Variants in IMMP2L observed in about 807,000 individuals in gnomAD.
The protein encoded by IMMP2L is mitochondrial inner membrane protease subunit 2.
Under a neutral mutation model 19.3 loss-of-function variants are expected in IMMP2L, and 18 were observed. That is an observed-to-expected ratio of 0.93 (90% CI 0.64 to 1.38). The LOEUF is 1.38. Among genes scored for constraint, IMMP2L ranks in the 40% most tolerant of loss-of-function variants. The probability of loss-of-function intolerance (pLI) is 0.00; values close to 1 mark genes in which losing one functional copy is unlikely to be tolerated. For missense variants in IMMP2L, 233 were observed against 218.2 expected (o/e 1.07, Z -0.43); for synonymous variants, 76 against 73.0 (o/e 1.04, Z -0.21).
intron 1 of IMMP2L, among the ~76,000 whole-genome samples, chr7:111,549,474 G>A (rs1849242565): frequency 1.3e-5 from 2 of 151,940 alleles, no homozygotes; most frequent in Non-Finnish European, 2.9e-5. Context: ...TTTAACATCT[G>A]GATATTTATA....
At chr7:111,007,376 T>C (rs1824403249) in intron 3 of IMMP2L, among the ~76,000 whole-genome samples, 1 of 152,100 alleles carries the variant, frequency 6.6e-6, no homozygotes, top group Admixed American at 6.6e-5. Flanking sequence ...GCTCCTACCA[T>C]TCCATCAGAA....
At chr7:111,433,218 G>A (rs1836813592) in intron 3 of IMMP2L, among the ~76,000 whole-genome samples, 1 of 151,774 alleles carries the variant, frequency 6.6e-6, no homozygotes, top group Non-Finnish European at 1.5e-5. Context: ...CTTATCTCAT[G>A]AGAACTCACT....
intron 5 of IMMP2L, among the ~76,000 whole-genome samples, chr7:110,718,836 A>T (rs531953324): frequency 6.6e-6 from 1 of 152,222 alleles, no homozygotes; most frequent in Non-Finnish European, 1.5e-5. Flanking sequence ...AGCCAGAAGC[A>T]GCAAGAGCTA....
intron 3 of IMMP2L, among the ~76,000 whole-genome samples, chr7:111,058,686 T>C (rs1291231006): frequency 1.3e-5 from 2 of 152,166 alleles, no homozygotes; most frequent in Non-Finnish European, 2.9e-5. Flanking sequence ...TATCAGCATA[T>C]AGAAACCCAA....
chr7:110,866,863 T>C (rs926917571), intron 5 of IMMP2L, among the ~76,000 whole-genome samples: 20 of 152,168 alleles, frequency 1.3e-4, no homozygotes, highest in African/African-American at 4.8e-4. Flanking sequence ...CATGGCTGTA[T>C]TTTACAAAAT....
At chr7:110,694,171 T>G (rs1793706437) in intron 5 of IMMP2L, among the ~76,000 whole-genome samples, 1 of 152,034 alleles carries the variant, frequency 6.6e-6, no homozygotes. Flanking sequence ...CTTTTTCCAA[T>G]TCAAGTTTTT....
intron 3 of IMMP2L, among the ~76,000 whole-genome samples, chr7:111,400,893 T>C (rs1454593983): frequency 6.6e-6 from 1 of 151,968 alleles, no homozygotes; most frequent in Non-Finnish European, 1.5e-5. Context: ...AGAAGTGACA[T>C]GATTTTGCAG....
At chr7:110,733,179 G>A (rs1392470445) in intron 5 of IMMP2L, among the ~76,000 whole-genome samples, 2 of 152,176 alleles carry the variant, frequency 1.3e-5, no homozygotes, top group Non-Finnish European at 2.9e-5. Context: ...TCATAGTTAT[G>A]CTGTCTGGTG....
intron 3 of IMMP2L, among the ~76,000 whole-genome samples, chr7:111,383,257 A>T (rs2131247909): frequency 6.6e-6 from 1 of 152,254 alleles, no homozygotes; most frequent in South Asian, 2.1e-4. Context: ...GCCACAGTTT[A>T]AACCTTTTAG....
At chr7:111,388,614 G>A (rs1832024016) in intron 3 of IMMP2L, among the ~76,000 whole-genome samples, 1 of 152,108 alleles carries the variant, frequency 6.6e-6, no homozygotes, top group South Asian at 2.1e-4. Flanking sequence ...CCACATGGCT[G>A]AGGAGGCCTC....
chr7:110,907,987 T>A (rs1354339265), intron 4 of IMMP2L, among the ~76,000 whole-genome samples: 5 of 152,164 alleles, frequency 3.3e-5, no homozygotes, highest in African/African-American at 1.2e-4. Context: ...TGGCTGGATA[T>A]GTCTCATGAG....
chr7:111,296,354 C>T (rs563176210), intron 3 of IMMP2L, among the ~76,000 whole-genome samples: 68 of 151,760 alleles, frequency 4.5e-4, no homozygotes, highest in Admixed American at 2.8e-3. Flanking sequence ...AAGTTAAAAA[C>T]TGATAATACT....
intron 3 of IMMP2L, among the ~76,000 whole-genome samples, chr7:111,156,163 T>C (rs898312229): frequency 3.9e-5 from 6 of 152,102 alleles, no homozygotes; most frequent in Admixed American, 3.3e-4. Flanking sequence ...GTAGACACTC[T>C]TGTATAGATT....
intron 3 of IMMP2L, among the ~76,000 whole-genome samples, chr7:111,010,486 G>A (rs1259126392): frequency 6.6e-6 from 1 of 151,996 alleles, no homozygotes; most frequent in Non-Finnish European, 1.5e-5. Context: ...ATCCTAACAG[G>A]TATAAGCAGG....
chr7:111,469,826 T>G (rs558235908), intron 3 of IMMP2L, among the ~76,000 whole-genome samples: 9 of 152,230 alleles, frequency 5.9e-5, no homozygotes, highest in South Asian at 4.2e-4. Flanking sequence ...AAGGACTTCA[T>G]GTCTAAAACA....
At chr7:111,331,472 T>C (rs1199095841) in intron 3 of IMMP2L, among the ~76,000 whole-genome samples, 1 of 151,752 alleles carries the variant, frequency 6.6e-6, no homozygotes, top group Non-Finnish European at 1.5e-5. Context: ...TCAGGAGAAA[T>C]ATGCTTTTTT....
At chr7:110,830,371 A>G (rs1803863024) in intron 5 of IMMP2L, among the ~76,000 whole-genome samples, 1 of 152,028 alleles carries the variant, frequency 6.6e-6, no homozygotes, top group South Asian at 2.1e-4. Context: ...AACGTGTTGG[A>G]CTTCACATGG....
intron 3 of IMMP2L, among the ~76,000 whole-genome samples, chr7:111,027,726 AG>A (rs945565473): frequency 1.3e-5 from 2 of 152,122 alleles, no homozygotes; most frequent in African/African-American, 4.8e-5. Flanking sequence ...TACTATGTAC[AG>A]GGAAGTCTAA....
chr7:111,334,053 A>C (rs1450647489), intron 3 of IMMP2L, among the ~76,000 whole-genome samples: 1 of 152,108 alleles, frequency 6.6e-6, no homozygotes, highest in South Asian at 2.1e-4. Context: ...AAAGTAGAAA[A>C]TATATTTTAA....
Sources: allele counts gnomAD v4.1 joint callset (sites outside exome capture counted in the v4.1 genomes callset), GRCh38; gene constraint gnomAD v4.1.1; transcripts MANE v1.5; gene names NCBI Gene and HGNC (gene_info 2026-07-23, HGNC 2026-07-21).